The following TRPM3 variants were observed in gnomAD, a reference collection of about 807,000 sequenced individuals.
TRPM3 encodes the protein long transient receptor potential channel 3.
TRPM3 carries 77 observed loss-of-function variants against 181.2 expected under a neutral mutation model. The observed-to-expected ratio is 0.42, with a 90% confidence interval of 0.35 to 0.51. The LOEUF is 0.51. TRPM3 is among the 20% of genes least tolerant of loss of function. The pLI is 0.01. For missense variants in TRPM3, 1,759 were observed against 2,196.7 expected, an observed-to-expected ratio of 0.80 and a Z score of 3.98; for synonymous variants, 745 against 796.4, an observed-to-expected ratio of 0.94 and a Z score of 1.09.
chr9:71,055,175 C>T (rs1017007690), intron 1 of TRPM3, among the ~76,000 whole-genome samples: 3 of 151,822 alleles, frequency 2.0e-5, no homozygotes, highest in East Asian at 1.9e-4. Flanking sequence ...AGAGGTGGTT[C>T]GGACAGGGTA....
intron 22 of TRPM3, among the ~76,000 whole-genome samples, chr9:70,563,327 T>C (rs953236242): frequency 7.2e-5 from 11 of 152,234 alleles, no homozygotes; most frequent in Middle Eastern, 3.2e-3. Flanking sequence ...TACGTGCTTA[T>C]GGCGTTAAGT....
intron 21 of TRPM3, among the ~76,000 whole-genome samples, chr9:70,597,996 C>T (rs2059311681): frequency 6.6e-6 from 1 of 152,082 alleles, no homozygotes; most frequent in Non-Finnish European, 1.5e-5. Flanking sequence ...AAAATGTAAC[C>T]TCTGTGTGCT....
intron 20 of TRPM3, among the ~76,000 whole-genome samples, chr9:70,601,127 C>T (rs918585050): frequency 2.0e-5 from 3 of 152,130 alleles, no homozygotes; most frequent in Admixed American, 6.6e-5. Flanking sequence ...CTGTGGGATA[C>T]GGGGAAATTG....
chr9:71,371,376 A>T (rs562703512), intron 1 of TRPM3, among the ~76,000 whole-genome samples: 1 of 152,288 alleles, frequency 6.6e-6, no homozygotes, highest in East Asian at 1.9e-4. Context: ...TAATGGGAGG[A>T]GGTGAATATA....
At position 70,536,612 on chromosome 9, in the gene TRPM3, C is replaced by T. The variant is rs1347377409; in HGVS notation, c.4501G>A (p.Glu1501Lys). 52 of 1,613,966 alleles carry T rather than the reference C, an allele frequency of 3.2e-5. No individual in the cohort carries two copies. The highest frequency in any genetic ancestry group is 4.2e-5 in the Non-Finnish European group (50 of 1,180,026). The part of the protein sequence containing the change: ...LPECQNPWDS[E>K]PPMYHTIERS... ...TCAATGGTGTGGTACATCGGAGGCT[C>T]TGAGTCCCAGGGGTTTTGGCATTCT... The change falls in exon 26 of 26, where the codon GAG becomes AAG. Residue 1501 changes from glutamate to lysine, a missense_variant. Glu to Lys is a moderately conservative substitution (Grantham distance 56). Transcript: ENST00000677713.
In TRPM3 at chr9:70,566,476, C is replaced by T. The variant is rs1347386941; in HGVS notation, c.3224-13166G>A. On this transcript the variant is annotated intron_variant, in intron 22 of 25. Transcript: ENST00000677713. ...CAGCATGTGGAGGCTTTGGAAGGAC[C>T]TCAGAGGATCAAATCAAGCTCCAAG... 2.6e-5 allele frequency among the ~76,000 whole-genome samples: 4 copies of T among 152,058 alleles called. No homozygotes were observed. The East Asian group carries it at 7.7e-4, about 29-fold the overall frequency.
At chr9:70,991,554 T>TG (rs1181348535) in intron 1 of TRPM3, among the ~76,000 whole-genome samples, 6 of 75,140 alleles carry the variant, frequency 8.0e-5, no homozygotes, top group Non-Finnish European at 1.2e-4. Context: ...ACTATGTGTC[T>TG]GTTTTTTTTT....
intron 1 of TRPM3, among the ~76,000 whole-genome samples, chr9:71,339,312 G>T (rs2132593050): frequency 6.6e-6 from 1 of 151,980 alleles, no homozygotes; most frequent in South Asian, 2.1e-4. Context: ...CTTTTTTCTG[G>T]AGCTACACAA....
chr9:71,204,763 C>T (rs1325122137), intron 1 of TRPM3, among the ~76,000 whole-genome samples: 8 of 151,724 alleles, frequency 5.3e-5, no homozygotes, highest in South Asian at 2.1e-4. Context: ...CACATGCACA[C>T]GTATGTTTAT....
intron 6 of TRPM3, among the ~76,000 whole-genome samples, chr9:70,787,661 T>G (rs1468492296): frequency 6.6e-6 from 1 of 152,058 alleles, no homozygotes; most frequent in African/African-American, 2.4e-5. Flanking sequence ...AGAATATGTT[T>G]GTGAATTTTA....
At chr9:71,255,097 A>C (rs2132040047) in intron 1 of TRPM3, among the ~76,000 whole-genome samples, 1 of 152,262 alleles carries the variant, frequency 6.6e-6, no homozygotes, top group Non-Finnish European at 1.5e-5. Flanking sequence ...AGCTACCACT[A>C]ATCTATTACT....
chr9:70,657,691 C>T (rs1373763728), intron 9 of TRPM3, among the ~76,000 whole-genome samples: 1 of 152,056 alleles, frequency 6.6e-6, no homozygotes, highest in Non-Finnish European at 1.5e-5. Flanking sequence ...TTTTAAAGTG[C>T]TTTGACATTG....
chr9:71,013,613 C>T (rs1466375160), intron 1 of TRPM3, among the ~76,000 whole-genome samples: 1 of 151,838 alleles, frequency 6.6e-6, no homozygotes, highest in African/African-American at 2.4e-5. Flanking sequence ...CTGTGGAAAC[C>T]AGTTTAAGTC....
chr9:71,415,795 G>C (rs964937622), intron 1 of TRPM3, among the ~76,000 whole-genome samples: 4 of 151,516 alleles, frequency 2.6e-5, no homozygotes, highest in Admixed American at 2.0e-4. Context: ...AGTTTCTCTA[G>C]ATTTATCTCT....
At chr9:71,298,324 C>T (rs1588364745) in intron 1 of TRPM3, among the ~76,000 whole-genome samples, 1 of 152,168 alleles carries the variant, frequency 6.6e-6, no homozygotes, top group East Asian at 1.9e-4. Context: ...TCCAACATTT[C>T]CTTATTATGA....
chr9:70,854,503 C>T (rs187462220), intron 3 of TRPM3, among the ~76,000 whole-genome samples: 53 of 152,262 alleles, frequency 3.5e-4, no homozygotes, highest in East Asian at 1.9e-3. Flanking sequence ...CTGGGTATAA[C>T]AGGTCCAAGT....
rs140809519 is a variant in TRPM3, at chr9:70,787,685, C to T, written c.974-3406G>A. On this transcript the variant is annotated intron_variant, in intron 6 of 25. Coordinates refer to ENST00000677713, the MANE Select transcript of TRPM3 (RefSeq NM_001366145.2). ...TTGTGAATTTTATGAAAGCTAGGGA[C>T]CCTTTCTCCAGAAAAGTAAACATAC... 1.8e-3 allele frequency among the ~76,000 whole-genome samples: 269 copies of T among 149,884 alleles called. 2 individuals carry two copies. The highest frequency in any genetic ancestry group is 6.4e-3 in the African/African-American group (259 of 40,780).
At chr9:70,776,136 G>C (rs1234509027) in intron 7 of TRPM3, 1 of 259,654 alleles carries the variant, frequency 3.9e-6, no homozygotes, top group Non-Finnish European at 7.2e-6. Flanking sequence ...TCATGGTCTA[G>C]GCCTCCTATC....
intron 25 of TRPM3, among the ~76,000 whole-genome samples, chr9:70,545,852 T>C (rs145594633): frequency 2.0e-5 from 3 of 152,292 alleles, no homozygotes; most frequent in African/African-American, 7.2e-5. Context: ...CCGGCCTTAA[T>C]ATTCAGAGAG....
Sources: allele counts gnomAD v4.1 joint callset (sites outside exome capture counted in the v4.1 genomes callset), GRCh38; gene constraint gnomAD v4.1.1; transcripts MANE v1.5; gene names NCBI Gene and HGNC (gene_info 2026-07-23, HGNC 2026-07-21).